Variants in GAS6 observed in about 807,000 individuals in gnomAD.
GAS6 encodes growth arrest specific 6.
Under a neutral mutation model 75.8 loss-of-function variants are expected in GAS6, and 41 were observed. The ratio of observed to expected loss-of-function variants is 0.54; its 90% CI spans 0.42 to 0.70. The LOEUF is 0.70. Among genes scored for constraint, GAS6 ranks in the 30% least tolerant of loss-of-function variants. The pLI is 0.00. For synonymous variants in GAS6, 432 were observed against 412.6 expected (o/e 1.05, Z -0.57); for missense variants, 854 against 940.2 (o/e 0.91, Z 1.20).
Position 113,837,708 on chromosome 13 carries a change from C to A in GAS6, c.589+361G>T, listed in dbSNP as rs892870780. On this transcript the variant is annotated intron_variant, in intron 6 of 14. Coordinates refer to ENST00000327773, the MANE Select transcript of GAS6 (RefSeq NM_000820.4). This position sits in a 1 kb window ranked among gnomAD's most constrained non-coding sequence, Gnocchi z 5.1. ...TGGGGATGCTGGGGAGAGTGGACGG[C>A]GGGGGGACCCTAGCCTGGAGCCCTG... is the stretch of plus-strand genomic sequence containing the variant. 1.3e-5 allele frequency among the ~76,000 whole-genome samples: 2 copies of A among 151,990 alleles called. No homozygotes were observed. The highest frequency in any genetic ancestry group is 4.8e-5 in the African/African-American group (2 of 41,366).
chr13:113,854,943 A>T (rs1004896509), intron 2 of GAS6, among the ~76,000 whole-genome samples: 7 of 152,162 alleles, frequency 4.6e-5, no homozygotes, highest in Non-Finnish European at 8.8e-5. Flanking sequence ...AGGAAGGAAG[A>T]GGGTTCCTCC....
At chr13:113,835,111 A>T in intron 7 of GAS6, among the ~76,000 whole-genome samples, 1 of 152,194 alleles carries the variant, frequency 6.6e-6, no homozygotes, top group South Asian at 2.1e-4. Flanking sequence ...CACTGTTCCC[A>T]TCACTGGGGG....
intron 2 of GAS6, among the ~76,000 whole-genome samples, chr13:113,852,015 C>G (rs931144616): frequency 6.6e-6 from 1 of 152,230 alleles, no homozygotes; most frequent in Non-Finnish European, 1.5e-5. Flanking sequence ...GCAGGGACGA[C>G]TTGGAGGGCA....
At chr13:113,862,937 T>TCCTGCGGGAGGCGGCC (rs1274612642) in intron 2 of GAS6, among the ~76,000 whole-genome samples, 5 of 151,992 alleles carry the variant, frequency 3.3e-5, no homozygotes, top group African/African-American at 1.2e-4. Flanking sequence ...ACACGGCGGC[T>TCCTGCGGGAGGCGGCC]CCTGCGGGAG....
intron 2 of GAS6, among the ~76,000 whole-genome samples, chr13:113,858,205 CAT>C (rs1424502833): frequency 6.6e-5 from 10 of 152,194 alleles, no homozygotes; most frequent in East Asian, 3.8e-4. Flanking sequence ...AGAGGGTGCA[CAT>C]GTGTCTGTGT....
Position 113,821,970 on chromosome 13 carries a change from C to T in GAS6, c.1870G>A (p.Gly624Ser), listed in dbSNP as rs1337973210. 2.0e-6 allele frequency: 3 copies of T among 1,535,882 alleles called. No homozygotes were observed. Among genetic ancestry groups the T allele is most frequent in the East Asian group, 2.4e-5 (1 of 40,870 alleles). The change falls in exon 14 of 15, where the codon GGC (glycine) becomes AGC (serine). Residue 624 changes from glycine to serine, a missense_variant. By Grantham distance (56) the Gly-to-Ser change is moderately conservative (BLOSUM62 0). Coordinates refer to ENST00000327773, the MANE Select transcript of GAS6 (RefSeq NM_000820.4). ...AGGGAGCACCTACCTGGCAGGCCGC[C>T]AGCAAAGGTGAGCACGGGGCTCCGC... ...HLRSPVLTFAGGLPDVPVTSA... is the reference protein window; with the variant it reads ...HLRSPVLTFASGLPDVPVTSA...
chr13:113,831,672 G>T (rs1187805865), intron 10 of GAS6, among the ~76,000 whole-genome samples: 1 of 152,148 alleles, frequency 6.6e-6, no homozygotes, highest in African/African-American at 2.4e-5. Flanking sequence ...GAGCCAGGCT[G>T]AAACGTGATG....
intron 4 of GAS6, chr13:113,843,112 G>T: frequency 2.8e-6 from 1 of 354,012 alleles, no homozygotes; most frequent in Non-Finnish European, 5.0e-6. Flanking sequence ...GGAAAGCGAT[G>T]GAGACAGAAA....
At chr13:113,831,785 T>C (rs1396008528) in intron 10 of GAS6, among the ~76,000 whole-genome samples, 1 of 124,082 alleles carries the variant, frequency 8.1e-6, no homozygotes, top group African/African-American at 3.1e-5. Flanking sequence ...GGGGCAGGGG[T>C]CCCCGTCCCC....
chr13:113,852,941 C>G (rs967474376), intron 2 of GAS6, among the ~76,000 whole-genome samples: 6 of 152,184 alleles, frequency 3.9e-5, no homozygotes, highest in Non-Finnish European at 8.8e-5. Context: ...CATGCCACCG[C>G]AGGAATCAGG....
rs2051731482 is a variant in GAS6, at chr13:113,837,696, G to T, written c.589+373C>A. On this transcript the variant is annotated intron_variant, in intron 6 of 14. Coordinates refer to ENST00000327773, the MANE Select transcript of GAS6 (RefSeq NM_000820.4). This position sits in a 1 kb window ranked among gnomAD's most constrained non-coding sequence, Gnocchi z 5.1. ...ACGGGGTGCTTCTGGGGATGCTGGGGAGAGTGGACGGCGGGGGGACCCTAG... is the reference window on the plus strand; with the variant it reads ...ACGGGGTGCTTCTGGGGATGCTGGGTAGAGTGGACGGCGGGGGGACCCTAG... Among the ~76,000 whole-genome samples the T allele has an allele frequency of 1.3e-5, 2 of 152,146 alleles. No individual in the cohort carries two copies. The highest frequency in any genetic ancestry group is 6.5e-5 in the Admixed American group (1 of 15,280).
intron 3 of GAS6, chr13:113,847,227 C>T: frequency 3.8e-6 from 1 of 260,836 alleles, no homozygotes; most frequent in Non-Finnish European, 7.7e-6. Flanking sequence ...CTGTGGACCG[C>T]TGGCCACCCC....
intron 4 of GAS6, among the ~76,000 whole-genome samples, chr13:113,846,042 T>C (rs6602910): frequency 0.53 from 80,800 of 152,154 alleles, 24,461 homozygotes; most frequent in African/African-American, 0.84. Flanking sequence ...CATCAGCCAA[T>C]ATGCATGGGC....
intron 2 of GAS6, among the ~76,000 whole-genome samples, chr13:113,853,729 T>C (rs1290402604): frequency 6.6e-6 from 1 of 152,198 alleles, no homozygotes; most frequent in East Asian, 1.9e-4. Context: ...TTGACTTCTA[T>C]GAGAAAACTC....
intron 14 of GAS6, 181 bp downstream of exon 14, chr13:113,821,777 A>G (rs1384025080): frequency 1.0e-5 from 6 of 578,166 alleles, no homozygotes; most frequent in Non-Finnish European, 1.8e-5. Flanking sequence ...TGACCTGACC[A>G]GCACCGAGAC....
chr13:113,834,247 G>C (rs1381477935), intron 8 of GAS6, among the ~76,000 whole-genome samples: 1 of 152,206 alleles, frequency 6.6e-6, no homozygotes, highest in Non-Finnish European at 1.5e-5. Context: ...CGGTGTGACA[G>C]GTCGGTCACG....
chr13:113,852,855 C>A (rs2051886592), intron 2 of GAS6, among the ~76,000 whole-genome samples: 1 of 152,236 alleles, frequency 6.6e-6, no homozygotes, highest in Admixed American at 6.5e-5. Context: ...ACGCCCCAAC[C>A]CCCAAATGAC....
chr13:113,855,331 G>A (rs947067510), intron 2 of GAS6, among the ~76,000 whole-genome samples: 4 of 152,178 alleles, frequency 2.6e-5, no homozygotes, highest in African/African-American at 9.7e-5. Context: ...AAAGCGAACT[G>A]GGACTGGTCC....
intron 2 of GAS6, among the ~76,000 whole-genome samples, chr13:113,856,220 G>C (rs1311080011): frequency 6.6e-6 from 1 of 152,194 alleles, no homozygotes; most frequent in Non-Finnish European, 1.5e-5. Context: ...GCACCACTCA[G>C]CCCTCACATG....
Sources: allele counts gnomAD v4.1 joint callset (sites outside exome capture counted in the v4.1 genomes callset), GRCh38; gene constraint gnomAD v4.1.1; non-coding constraint Gnocchi (gnomAD v3.1); transcripts MANE v1.5; gene names NCBI Gene and HGNC (gene_info 2026-07-23, HGNC 2026-07-21).